Variants in GRIN2A observed in about 807,000 individuals in gnomAD.
GRIN2A encodes the protein glutamate receptor ionotropic, NMDA 2A.
GRIN2A carries 22 observed loss-of-function variants against 113.4 expected under a neutral mutation model. The ratio of observed to expected loss-of-function variants is 0.19; its 90% CI spans 0.14 to 0.28. The LOEUF is 0.28. GRIN2A is among the 10% of genes least tolerant of loss of function. The pLI is 1.00. For synonymous variants in GRIN2A, 827 were observed against 738.4 expected (o/e 1.12, Z -1.94); for missense variants, 1,502 against 1,887.0 (o/e 0.80, Z 3.78).
chr16:10,073,031 C>T (rs2047790449), intron 2 of GRIN2A, among the ~76,000 whole-genome samples: 1 of 143,846 alleles, frequency 7.0e-6, no homozygotes. Flanking sequence ...GCTCGGCTTA[C>T]TGCAACCTCC....
chr16:10,056,353 C>T (rs9937979), intron 2 of GRIN2A, among the ~76,000 whole-genome samples: 82,972 of 151,860 alleles, frequency 0.55, 23,329 homozygotes, highest in East Asian at 0.87. Context: ...ATCATTCACC[C>T]TTCTCTTTAT....
chr16:10,053,904 G>T lies in GRIN2A; in HGVS notation c.415-115353C>A, dbSNP rs546175843. Among the ~76,000 whole-genome samples the T allele has an allele frequency of 2.6e-5, 4 of 151,634 alleles. No individual in the cohort carries two copies. The South Asian group carries it at 8.4e-4, about 32-fold the overall frequency. On this transcript the variant is annotated intron_variant, in intron 2 of 12. Transcript: ENST00000330684. ...AATAAAGAAACAAAGCCAAAGAAAG[G>T]AAAAGATCCTACGTGGATAAAGCAG... is the stretch of plus-strand genomic sequence containing the variant.
intron 9 of GRIN2A, among the ~76,000 whole-genome samples, 159 bp downstream of exon 9, chr16:9,829,264 T>G (rs1393762743): frequency 2.6e-5 from 4 of 152,184 alleles, no homozygotes; most frequent in Non-Finnish European, 5.9e-5. Flanking sequence ...TTTCAAAAAC[T>G]TTGAGAAAGA....
chr16:10,118,621 A>G (rs1459221865), intron 2 of GRIN2A, among the ~76,000 whole-genome samples: 1 of 152,212 alleles, frequency 6.6e-6, no homozygotes, highest in East Asian at 1.9e-4. Flanking sequence ...TATGGCGGAG[A>G]AGAAAAGATT....
intron 2 of GRIN2A, among the ~76,000 whole-genome samples, chr16:9,995,242 A>G (rs1421719989): frequency 6.6e-6 from 1 of 152,216 alleles, no homozygotes; most frequent in Non-Finnish European, 1.5e-5. Flanking sequence ...GGAAAAGGGA[A>G]GAGGGAAAGC....
At chr16:9,775,384 T>C (rs969829197) in intron 11 of GRIN2A, among the ~76,000 whole-genome samples, 1 of 152,236 alleles carries the variant, frequency 6.6e-6, no homozygotes, top group African/African-American at 2.4e-5. Flanking sequence ...TACTCATTCA[T>C]TCACTCATTG....
intron 2 of GRIN2A, among the ~76,000 whole-genome samples, chr16:10,173,686 G>T (rs377364193): frequency 3.3e-5 from 5 of 152,308 alleles, no homozygotes; most frequent in East Asian, 1.9e-4. Context: ...CCCCTATGGA[G>T]CACAAATGAA....
intron 2 of GRIN2A, among the ~76,000 whole-genome samples, chr16:10,036,449 C>CTTTTTT (rs369821921): frequency 3.7e-4 from 17 of 46,012 alleles, no homozygotes; most frequent in Non-Finnish European, 4.8e-4. Flanking sequence ...TTTTTTTTTT[C>CTTTTTT]TTTTTTTTTT....
chr16:9,985,235 G>A (rs1486127636), intron 2 of GRIN2A, among the ~76,000 whole-genome samples: 2 of 152,030 alleles, frequency 1.3e-5, no homozygotes, highest in Admixed American at 6.6e-5. Context: ...ATCCAGATAT[G>A]GGGCCAATTA....
intron 3 of GRIN2A, among the ~76,000 whole-genome samples, chr16:9,931,812 T>C (rs915257571): frequency 6.6e-6 from 1 of 152,188 alleles, no homozygotes; most frequent in East Asian, 1.9e-4. Context: ...TACATACCCA[T>C]GTACATATAT....
intron 2 of GRIN2A, among the ~76,000 whole-genome samples, chr16:10,122,659 G>A (rs936460056): frequency 6.6e-6 from 1 of 152,140 alleles, no homozygotes; most frequent in African/African-American, 2.4e-5. Flanking sequence ...TGAATATCCT[G>A]CTAAATGTAA....
At chr16:10,155,443 G>A (rs1309162996) in intron 2 of GRIN2A, among the ~76,000 whole-genome samples, 1 of 152,168 alleles carries the variant, frequency 6.6e-6, no homozygotes, top group Non-Finnish European at 1.5e-5. Context: ...GAGCCTCTCT[G>A]AGCCTCATAT....
chr16:9,950,855 A>G (rs1275431536), intron 2 of GRIN2A, among the ~76,000 whole-genome samples: 2 of 152,236 alleles, frequency 1.3e-5, no homozygotes, highest in African/African-American at 4.8e-5. Context: ...AGATGAGCTC[A>G]TGTACAGTAG....
intron 2 of GRIN2A, among the ~76,000 whole-genome samples, chr16:10,072,019 A>G (rs1007439845): frequency 9.2e-5 from 14 of 152,208 alleles, no homozygotes; most frequent in Admixed American, 2.6e-4. Flanking sequence ...TGGCCACTAC[A>G]TAAAAGATTC....
chr16:9,828,693 A>G (rs910144620), intron 9 of GRIN2A, among the ~76,000 whole-genome samples: 1 of 152,162 alleles, frequency 6.6e-6, no homozygotes, highest in African/African-American at 2.4e-5. Flanking sequence ...TAGCTACTCA[A>G]ACCCTGCAAC....
At chr16:9,978,892 T>A (rs1426515759) in intron 2 of GRIN2A, among the ~76,000 whole-genome samples, 1 of 152,192 alleles carries the variant, frequency 6.6e-6, no homozygotes, top group East Asian at 1.9e-4. Flanking sequence ...GAGAAGCAGA[T>A]GGATGTGACA....
chr16:9,949,472 C>A (rs1195505558), intron 2 of GRIN2A, among the ~76,000 whole-genome samples: 1 of 147,544 alleles, frequency 6.8e-6, no homozygotes, highest in Non-Finnish European at 1.5e-5. Context: ...GATGAATGGA[C>A]AGATGAGTGG....
At chr16:10,034,612 C>T (rs2046992002) in intron 2 of GRIN2A, among the ~76,000 whole-genome samples, 2 of 142,014 alleles carry the variant, frequency 1.4e-5, no homozygotes, top group Non-Finnish European at 3.0e-5. Flanking sequence ...TGTTGACTTG[C>T]TGGCTAATGA....
chr16:9,798,536 G>T, intron 10 of GRIN2A, 72 bp from the exon 11 acceptor site: 1 of 1,103,504 alleles, frequency 9.1e-7, no homozygotes. Context: ...CCTGAGGCCT[G>T]ATCCTGAAAG....
Sources: gnomAD v4.1 joint callset for allele counts (sites outside exome capture counted in the v4.1 genomes callset) on GRCh38, gnomAD v4.1.1 for gene constraint, MANE v1.5 for transcripts, NCBI Gene and HGNC (gene_info 2026-07-23, HGNC 2026-07-21) for gene names.